The following SAMHD1 variants were observed in gnomAD, a reference collection of about 807,000 sequenced individuals.
SAMHD1 encodes deoxynucleoside triphosphate triphosphohydrolase SAMHD1.
SAMHD1 carries 54 observed loss-of-function variants against 79.6 expected under a neutral mutation model. The observed-to-expected ratio is 0.68, with a 90% CI of 0.55 to 0.85. SAMHD1 has a LOEUF of 0.85. SAMHD1 is among the 40% of genes least tolerant of loss of function. The pLI is 0.00. For missense variants in SAMHD1, 663 were observed against 782.7 expected (o/e 0.85, Z 1.82); for synonymous variants, 260 against 264.1 (o/e 0.98, Z 0.15).
chr20:36,900,912 G>A (rs1357131723), intron 13 of SAMHD1, among the ~76,000 whole-genome samples: 1 of 151,996 alleles, frequency 6.6e-6, no homozygotes, highest in African/African-American at 2.4e-5. Context: ...AATATTGAAT[G>A]TTCCCAACAC....
intron 3 of SAMHD1, among the ~76,000 whole-genome samples, chr20:36,936,973 T>C (rs2063608306): frequency 1.0e-5 from 1 of 98,042 alleles, no homozygotes. Flanking sequence ...AAATCCCGTC[T>C]CTACTAAAAA....
chr20:36,897,140 T>C (rs568539872), intron 15 of SAMHD1, among the ~76,000 whole-genome samples: 2 of 152,342 alleles, frequency 1.3e-5, no homozygotes, highest in South Asian at 4.1e-4. Flanking sequence ...AGCTACGCTT[T>C]CATGTCTCAC....
chr20:36,914,052 C>A (rs960710604), intron 9 of SAMHD1, among the ~76,000 whole-genome samples: 1 of 151,080 alleles, frequency 6.6e-6, no homozygotes, highest in Admixed American at 6.6e-5. Context: ...CCACGCCTAG[C>A]CCTTCTTGAC....
rs143176006 is a variant in SAMHD1 at position 36,890,396 on chromosome 20, C to CCCTTTCTTTCTTTCTTTCTTTCTTT, written c.*2535_*2536insAAAGAAAGAAAGAAAGAAAGAAAGG. The CCCTTTCTTTCTTTCTTTCTTTCTTT allele has an allele frequency of 1.4e-5, 2 of 142,450 alleles. No homozygotes were observed. The highest frequency in any genetic ancestry group is 3.1e-5 in the Non-Finnish European group (2 of 65,368). 8.8% of individuals were successfully genotyped at this position (142,450 alleles called of 1,614,324 possible). On this transcript the variant is annotated 3_prime_UTR_variant, in exon 16 of 16. Transcript: ENST00000646673. ...ATACAAATAGCAAAGATATTTCTTT[C>CCCTTTCTTTCTTTCTTTCTTTCTTT]TCTTTCTTTCTTTCTTTCTTTCTTT...
intron 2 of SAMHD1, 109 bp from the exon 3 acceptor site, chr20:36,941,220 G>T: frequency 1.3e-6 from 1 of 753,374 alleles, no homozygotes; most frequent in Admixed American, 2.0e-5. Flanking sequence ...ACAGAAGTTA[G>T]ATTGGAAGGA....
At chr20:36,910,842 A>G (rs2063434729) in intron 11 of SAMHD1, among the ~76,000 whole-genome samples, 1 of 152,138 alleles carries the variant, frequency 6.6e-6, no homozygotes, top group Admixed American at 6.6e-5. Flanking sequence ...AGGTATCATT[A>G]CCCTCATTTT....
intron 1 of SAMHD1, among the ~76,000 whole-genome samples, chr20:36,948,164 T>C (rs2063707160): frequency 6.6e-6 from 1 of 152,104 alleles, no homozygotes; most frequent in Non-Finnish European, 1.5e-5. Context: ...AGACTTCTTG[T>C]GAGGCTGTAT....
chr20:36,939,660 A>T (rs1325049407), intron 3 of SAMHD1, among the ~76,000 whole-genome samples: 2 of 152,226 alleles, frequency 1.3e-5, no homozygotes, highest in African/African-American at 4.8e-5. Context: ...GTATTCTTAT[A>T]GAGAGGGATC....
At position 36,933,361 on chromosome 20, in the gene SAMHD1, C is replaced by T. The variant is rs546263728; in HGVS notation, c.509+1668G>A. Among the ~76,000 whole-genome samples, 7 of 152,254 alleles carry T rather than the reference C, an allele frequency of 4.6e-5. No homozygotes were observed. In the South Asian group the frequency reaches 6.2e-4, roughly 14 times the overall value. ...AGATTATGAATGCTTTTTTAACTTA[C>T]GCATTTCCTGACAGGTAAGAAAATG... On this transcript the variant is annotated intron_variant, in intron 4 of 15. Coordinates refer to ENST00000646673, the MANE Select transcript of SAMHD1 (RefSeq NM_015474.4).
intron 7 of SAMHD1, among the ~76,000 whole-genome samples, chr20:36,917,643 A>T (rs530804809): frequency 6.6e-6 from 1 of 152,086 alleles, no homozygotes; most frequent in African/African-American, 2.4e-5. Flanking sequence ...AGAGCAAGAC[A>T]CCGTCTCAAA....
chr20:36,911,784 G>C (rs2063442251), intron 10 of SAMHD1: 2 of 173,976 alleles, frequency 1.1e-5, no homozygotes, highest in South Asian at 2.6e-4. Context: ...ACAAAGGATA[G>C]GTAAAAAATA....
chr20:36,898,802 C>T (rs1301842766), intron 13 of SAMHD1, among the ~76,000 whole-genome samples: 1 of 150,912 alleles, frequency 6.6e-6, no homozygotes, highest in East Asian at 1.9e-4. Context: ...ACCCCAGTTA[C>T]TCGGGAGACT....
chr20:36,900,262 T>C (rs1044126880), intron 13 of SAMHD1, among the ~76,000 whole-genome samples: 2 of 152,154 alleles, frequency 1.3e-5, no homozygotes, highest in South Asian at 2.1e-4. Context: ...TTCCTTTTTT[T>C]TGACACAGAG....
intron 13 of SAMHD1, among the ~76,000 whole-genome samples, chr20:36,901,942 C>T (rs766715358): frequency 2.0e-5 from 3 of 152,128 alleles, no homozygotes; most frequent in Admixed American, 6.6e-5. Context: ...AAGCCTTTGA[C>T]AAGAACAAAG....
chr20:36,950,915 G>C (rs1275918866), intron 1 of SAMHD1, among the ~76,000 whole-genome samples: 1 of 152,196 alleles, frequency 6.6e-6, no homozygotes, highest in Non-Finnish European at 1.5e-5. Context: ...CCTCTGATGT[G>C]GCAAGTGTTC....
intron 7 of SAMHD1, among the ~76,000 whole-genome samples, chr20:36,917,727 T>C (rs970196733): frequency 3.9e-5 from 6 of 152,170 alleles, no homozygotes; most frequent in African/African-American, 1.4e-4. Context: ...AACAGTACTA[T>C]CTTTCAAAGT....
At chr20:36,920,429 G>C (rs6065461) in intron 6 of SAMHD1, among the ~76,000 whole-genome samples, 115,536 of 152,062 alleles carry the variant, frequency 0.76, 44,587 homozygotes, top group East Asian at 0.97. Context: ...CCCCGCCCCC[G>C]CAGAAACAAT....
At chr20:36,903,258 G>T (rs1002650213) in intron 13 of SAMHD1, among the ~76,000 whole-genome samples, 1 of 152,024 alleles carries the variant, frequency 6.6e-6, no homozygotes, top group South Asian at 2.1e-4. Flanking sequence ...GGCCTGAGGT[G>T]CAGTGCTGTC....
At chr20:36,903,300 C>T (rs999279999) in intron 13 of SAMHD1, among the ~76,000 whole-genome samples, 33 of 151,080 alleles carry the variant, frequency 2.2e-4, no homozygotes, top group African/African-American at 7.8e-4. Context: ...AGTGCAGTGG[C>T]GTGATCTCGG....
Sources: gnomAD v4.1 joint callset for allele counts (sites outside exome capture counted in the v4.1 genomes callset) on GRCh38, gnomAD v4.1.1 for gene constraint, MANE v1.5 for transcripts, NCBI Gene and HGNC (gene_info 2026-07-23, HGNC 2026-07-21) for gene names.